The following ENTHD1 variants were observed in gnomAD, a reference collection of about 807,000 sequenced individuals.
ENTHD1 encodes the protein ENTH domain containing 1, also known as ENTH domain-containing protein 1.
In ENTHD1, 23 loss-of-function variants were observed where a neutral mutation model predicts 39.1. The observed-to-expected ratio is 0.59, with a 90% CI of 0.42 to 0.83. The LOEUF (loss-of-function observed/expected upper bound fraction) is 0.83, where lower values mean the gene tolerates loss of function less well. ENTHD1 is among the 40% of genes least tolerant of loss of function. ENTHD1 has a pLI of 0.00. For synonymous variants in ENTHD1, 230 were observed against 258.2 expected (o/e 0.89, Z 1.05); for missense variants, 624 against 705.4 (o/e 0.88, Z 1.31).
At chr22:39,875,762 G>A (rs2066284012) in intron 2 of ENTHD1, 2 of 1,613,300 alleles carry the variant, frequency 1.2e-6, no homozygotes, top group Non-Finnish European at 1.7e-6. Context: ...CAAGTTATCC[G>A]ATATTCCAGA....
intron 5 of ENTHD1, among the ~76,000 whole-genome samples, chr22:39,812,055 A>G (rs1352798216): frequency 6.6e-6 from 1 of 151,688 alleles, no homozygotes; most frequent in Admixed American, 6.6e-5. Context: ...CCTGAAGCCC[A>G]TGTAAACAAT....
At chr22:39,869,868 T>C (rs1274086848) in intron 2 of ENTHD1, among the ~76,000 whole-genome samples, 1 of 151,842 alleles carries the variant, frequency 6.6e-6, no homozygotes, top group Non-Finnish European at 1.5e-5. Flanking sequence ...AAAAATCAAT[T>C]AAAATCCTAG....
At chr22:39,827,861 C>T (rs1025111816) in intron 4 of ENTHD1, among the ~76,000 whole-genome samples, 3 of 151,964 alleles carry the variant, frequency 2.0e-5, no homozygotes, top group African/African-American at 7.3e-5. Context: ...TGCAACTTTG[C>T]TTTAACAGGC....
chr22:39,875,818 A>G (rs35498538), intron 2 of ENTHD1: 109,121 of 1,567,128 alleles, frequency 0.07, 5,832 homozygotes, highest in South Asian at 0.12. Context: ...CCCTGTTTGT[A>G]CGTCATAGAA....
rs538147659 is a variant in ENTHD1 at position 39,833,126 on chromosome 22, G to A, written c.711+2714C>T. On this transcript the variant is annotated intron_variant, in intron 4 of 6. Coordinates refer to ENST00000325157, the MANE Select transcript of ENTHD1 (RefSeq NM_152512.4). ...TCTCCCCCTAAGGCTACTTCTTCTT[G>A]GGGTATTAAGAATTAATTCATAACT... 9.9e-5 allele frequency among the ~76,000 whole-genome samples: 15 copies of A among 152,210 alleles called. 1 individual carries two copies. The highest frequency in any genetic ancestry group is 8.5e-4 in the Admixed American group (13 of 15,286).
chr22:39,803,740 T>C (rs952951249), intron 5 of ENTHD1, among the ~76,000 whole-genome samples: 5 of 152,154 alleles, frequency 3.3e-5, no homozygotes, highest in Admixed American at 1.3e-4. Flanking sequence ...TAAGTTGGGG[T>C]CTAGAGATCA....
At chr22:39,892,817 G>A (rs1280839417) in intron 1 of ENTHD1, among the ~76,000 whole-genome samples, 2 of 152,174 alleles carry the variant, frequency 1.3e-5, no homozygotes, top group East Asian at 3.9e-4. Flanking sequence ...AAGGAAATGA[G>A]CTCTGGCCAA....
chr22:39,847,522 TAATAAA>T (rs1332580773), intron 3 of ENTHD1, among the ~76,000 whole-genome samples: 3 of 149,944 alleles, frequency 2.0e-5, no homozygotes, highest in African/African-American at 7.4e-5. Flanking sequence ...ATAATAATAA[TAATAAA>T]TAAAAATAAA....
At chr22:39,756,312 T>TCA (rs760136229) in intron 6 of ENTHD1, among the ~76,000 whole-genome samples, 10 of 148,384 alleles carry the variant, frequency 6.7e-5, no homozygotes, top group Admixed American at 2.7e-4. Flanking sequence ...TCTCTCTCTC[T>TCA]CTCTCACACA....
intron 5 of ENTHD1, among the ~76,000 whole-genome samples, chr22:39,781,546 A>G (rs1412756174): frequency 1.3e-5 from 2 of 152,180 alleles, no homozygotes; most frequent in South Asian, 2.1e-4. Context: ...ATAAATGCCT[A>G]CATCAAAAAA....
intron 5 of ENTHD1, among the ~76,000 whole-genome samples, chr22:39,770,222 C>T (rs1213984328): frequency 1.3e-5 from 2 of 152,156 alleles, no homozygotes; most frequent in Admixed American, 1.3e-4. Context: ...CGTGTTCATA[C>T]TTTGCCAGTT....
intron 5 of ENTHD1, among the ~76,000 whole-genome samples, chr22:39,792,406 A>G (rs896148229): frequency 2.0e-4 from 30 of 152,146 alleles, no homozygotes; most frequent in Non-Finnish European, 1.3e-4. Context: ...CCTCAGTTAC[A>G]TGCTATTGTT....
chr22:39,884,623 C>T (rs1184812078), intron 2 of ENTHD1, among the ~76,000 whole-genome samples: 1 of 151,530 alleles, frequency 6.6e-6, no homozygotes, highest in Admixed American at 6.6e-5. Context: ...TACTACAAAG[C>T]TACTGTAATC....
intron 2 of ENTHD1, among the ~76,000 whole-genome samples, chr22:39,877,642 G>C (rs1338067272): frequency 1.3e-5 from 2 of 152,198 alleles, no homozygotes; most frequent in Non-Finnish European, 2.9e-5. Context: ...TCTCGACCAA[G>C]TTCTCGCAGT....
intron 6 of ENTHD1, among the ~76,000 whole-genome samples, chr22:39,760,592 T>C (rs552762860): frequency 1.3e-5 from 2 of 152,180 alleles, no homozygotes; most frequent in African/African-American, 2.4e-5. Context: ...TTCCTCTTAA[T>C]TGGAAAGTTT....
chr22:39,858,853 C>T (rs1243966385), intron 3 of ENTHD1, among the ~76,000 whole-genome samples: 1 of 152,218 alleles, frequency 6.6e-6, no homozygotes, highest in Non-Finnish European at 1.5e-5. Context: ...TAGTCCCTAA[C>T]AAGAGAGTCA....
intron 3 of ENTHD1, among the ~76,000 whole-genome samples, chr22:39,845,844 T>C (rs528792477): frequency 1.3e-5 from 2 of 152,198 alleles, no homozygotes; most frequent in Non-Finnish European, 2.9e-5. Context: ...TTGTCAGTTA[T>C]ATGCGTTGGA....
chr22:39,777,426 G>A (rs2065374043), intron 5 of ENTHD1, among the ~76,000 whole-genome samples: 1 of 152,064 alleles, frequency 6.6e-6, no homozygotes, highest in Admixed American at 6.6e-5. Context: ...ACAGTTGTAG[G>A]TCCTGAGAGT....
chr22:39,770,781 G>T (rs553412159), intron 5 of ENTHD1, among the ~76,000 whole-genome samples: 1 of 152,298 alleles, frequency 6.6e-6, no homozygotes, highest in South Asian at 2.1e-4. Flanking sequence ...CAAGTAATTT[G>T]CCTGTACCCA....
Sources: allele counts gnomAD v4.1 joint callset (sites outside exome capture counted in the v4.1 genomes callset), GRCh38; gene constraint gnomAD v4.1.1; transcripts MANE v1.5; gene names NCBI Gene and HGNC (gene_info 2026-07-23, HGNC 2026-07-21).